The following DLG2 variants were observed in gnomAD, a reference collection of about 807,000 sequenced individuals.
DLG2 encodes the protein disks large homolog 2.
DLG2 carries 45 observed loss-of-function variants against 132.5 expected under a neutral mutation model. The ratio of observed to expected loss-of-function variants is 0.34; its 90% CI spans 0.27 to 0.44. DLG2 has a LOEUF of 0.44. Ranked by LOEUF, DLG2 falls within the 20% of genes least tolerant of loss-of-function variation. The pLI is 1.00. For missense variants in DLG2, 1,045 were observed against 1,196.9 expected (o/e 0.87, Z 1.87); for synonymous variants, 424 against 419.6 (o/e 1.01, Z -0.13).
chr11:84,737,970 G>A lies in DLG2; in HGVS notation c.358-203239C>T, dbSNP rs183225760. Among the ~76,000 whole-genome samples, 7 of 152,018 alleles carry A rather than the reference G, an allele frequency of 4.6e-5. No individual in the cohort carries two copies. The East Asian group carries it at 1.2e-3, about 25-fold the overall frequency. On this transcript the variant is annotated intron_variant, in intron 6 of 27. Coordinates refer to ENST00000376104, the MANE Select transcript of DLG2 (RefSeq NM_001142699.3). ...GATGGAGGAGGCATTATTCCGTTTG[G>A]GGATTTTATTTGTTTGTTTTGCTTG...
intron 11 of DLG2, among the ~76,000 whole-genome samples, chr11:84,007,395 C>A (rs1265416694): frequency 1.3e-5 from 2 of 151,576 alleles, no homozygotes; most frequent in Non-Finnish European, 3.0e-5. Flanking sequence ...CTTTACTTTG[C>A]CATAAAATCT....
intron 17 of DLG2, among the ~76,000 whole-genome samples, chr11:83,825,650 C>T (rs907501021): frequency 2.6e-5 from 4 of 152,094 alleles, no homozygotes; most frequent in African/African-American, 9.7e-5. Context: ...ATTCAGTGAA[C>T]AAGATGGAGG....
At chr11:83,883,833 C>T (rs2066992572) in intron 15 of DLG2, among the ~76,000 whole-genome samples, 1 of 150,868 alleles carries the variant, frequency 6.6e-6, no homozygotes, top group East Asian at 1.9e-4. Flanking sequence ...TCCCCACAGA[C>T]CATTCTTCAC....
At chr11:85,618,320 C>T (rs1361187502) in intron 2 of DLG2, among the ~76,000 whole-genome samples, 2 of 152,008 alleles carry the variant, frequency 1.3e-5, no homozygotes, top group African/African-American at 2.4e-5. Context: ...TAATCACTGA[C>T]ATGGTAACAT....
In DLG2 at chr11:84,298,268, T is replaced by C. The variant is rs1466884681; in HGVS notation, c.520-46977A>G. ...GGCGTTTCCATTCATGTGAAAATTA[T>C]ATGTTTCATGCAAATCAATGACTTT... On this transcript the variant is annotated intron_variant, in intron 7 of 27. Transcript: ENST00000376104. Among the ~76,000 whole-genome samples, 7 of 152,142 alleles carry C rather than the reference T, an allele frequency of 4.6e-5. No individual in the cohort carries two copies. The South Asian group carries it at 1.2e-3, about 27-fold the overall frequency.
intron 10 of DLG2, among the ~76,000 whole-genome samples, chr11:84,079,963 G>T (rs1222604914): frequency 6.6e-6 from 1 of 152,082 alleles, no homozygotes; most frequent in Non-Finnish European, 1.5e-5. Context: ...TCTCTACAAG[G>T]CTTCCCCTGA....
At chr11:84,058,947 A>G (rs2096548160) in intron 11 of DLG2, among the ~76,000 whole-genome samples, 1 of 152,028 alleles carries the variant, frequency 6.6e-6, no homozygotes. Context: ...GATTATTTTA[A>G]TTATTATTTA....
chr11:84,744,794 A>G (rs193113231), intron 6 of DLG2, among the ~76,000 whole-genome samples: 1 of 152,158 alleles, frequency 6.6e-6, no homozygotes, highest in Non-Finnish European at 1.5e-5. Flanking sequence ...GGGAAGCTGT[A>G]AAGCCCACCT....
At chr11:83,933,405 T>C (rs2080780392) in intron 14 of DLG2, among the ~76,000 whole-genome samples, 1 of 152,186 alleles carries the variant, frequency 6.6e-6, no homozygotes, top group African/African-American at 2.4e-5. Flanking sequence ...TATAAACAAA[T>C]CATTTCTCTT....
intron 10 of DLG2, among the ~76,000 whole-genome samples, chr11:84,090,775 A>C (rs7109377): frequency 0.028 from 4,291 of 152,318 alleles, 186 homozygotes; most frequent in African/African-American, 0.097. Flanking sequence ...AGAAATATAT[A>C]CTAAGGAAAT....
At chr11:85,344,988 A>G (rs1394402541) in intron 3 of DLG2, among the ~76,000 whole-genome samples, 1 of 151,504 alleles carries the variant, frequency 6.6e-6, no homozygotes, top group Non-Finnish European at 1.5e-5. Context: ...ACAGCAAAAT[A>G]CTGTACTTAA....
rs2092194294 is a variant in DLG2 at position 83,472,640 on chromosome 11, T to C, written c.2344+87A>G. On this transcript the variant is annotated intron_variant, in intron 23 of 27. Transcript: ENST00000376104. Reference sequence around the variant, plus strand: ...ACAGAGCATTAAGCCGAGTTTATTCTCCTTAGTCCTTCACTCTTTCCCTCC... The same window carrying C: ...ACAGAGCATTAAGCCGAGTTTATTCCCCTTAGTCCTTCACTCTTTCCCTCC... 11 of 1,164,710 alleles carry C rather than the reference T, an allele frequency of 9.4e-6. No individual in the cohort carries two copies. The South Asian group carries it at 1.5e-4, about 16-fold the overall frequency. The allele number at this position is 1,164,710 out of a possible 1,614,324, so 72.1% of individuals were successfully genotyped here. A position where few individuals can be genotyped will look rare whatever the true frequency, so the allele number is the denominator to read the frequency against.
In DLG2 at chr11:83,930,334, A is replaced by G; in HGVS notation, c.1490T>C (p.Met497Thr). Residue 497 changes from methionine to threonine, a missense_variant, in exon 15 of 28, where the codon ATG becomes ACG. Coordinates refer to ENST00000376104, the MANE Select transcript of DLG2 (RefSeq NM_001142699.3). ...YHLGLLPDSE[M>T]TSHSQHSTAT... The stretch of plus-strand genomic sequence containing the variant: ...GAGGAAGCGCATGCAGTACCTGGTC[A>G]TCTCAGAGTCAGGTAGCAGGCCTAG... 2 of 1,613,814 alleles carry G rather than the reference A, an allele frequency of 1.2e-6. No homozygotes were observed. Among genetic ancestry groups the G allele is most frequent in the Non-Finnish European group, 1.7e-6 (2 of 1,179,842 alleles).
intron 6 of DLG2, among the ~76,000 whole-genome samples, chr11:84,731,949 C>T (rs2063208760): frequency 6.6e-6 from 1 of 151,978 alleles, no homozygotes; most frequent in African/African-American, 2.4e-5. Flanking sequence ...TTTCCCAATC[C>T]CCCATCCCAA....
At chr11:85,251,351 A>G (rs888544684) in intron 4 of DLG2, among the ~76,000 whole-genome samples, 2 of 152,204 alleles carry the variant, frequency 1.3e-5, no homozygotes, top group Admixed American at 6.6e-5. Context: ...ATAATGTAGC[A>G]CATCGTTATA....
At chr11:83,997,730 C>A (rs1205030081) in intron 11 of DLG2, among the ~76,000 whole-genome samples, 1 of 24,774 alleles carries the variant, frequency 4.0e-5, no homozygotes, top group African/African-American at 1.5e-4. Flanking sequence ...GACTCCATCT[C>A]AAAAAAAAAA....
At chr11:85,397,890 A>T (rs1414625775) in intron 3 of DLG2, among the ~76,000 whole-genome samples, 1 of 152,168 alleles carries the variant, frequency 6.6e-6, no homozygotes, top group Non-Finnish European at 1.5e-5. Context: ...GTTAACAAGG[A>T]TATCCAGGGC....
At chr11:84,813,275 C>T (rs1470707863) in intron 6 of DLG2, among the ~76,000 whole-genome samples, 2 of 151,832 alleles carry the variant, frequency 1.3e-5, no homozygotes, top group South Asian at 2.1e-4. Flanking sequence ...TGAGAGGTTG[C>T]CATTGAGCAC....
intron 15 of DLG2, among the ~76,000 whole-genome samples, chr11:83,889,435 A>G (rs1000065066): frequency 8.5e-5 from 13 of 152,192 alleles, no homozygotes; most frequent in Non-Finnish European, 1.3e-4. Context: ...TAGAATGCCA[A>G]TCATCAAAAA....
Sources: allele counts gnomAD v4.1 joint callset (sites outside exome capture counted in the v4.1 genomes callset), GRCh38; gene constraint gnomAD v4.1.1; transcripts MANE v1.5; gene names NCBI Gene and HGNC (gene_info 2026-07-23, HGNC 2026-07-21).